The following BTBD7 variants were observed in gnomAD, a reference collection of about 807,000 sequenced individuals.
BTBD7 encodes BTB domain containing 7.
BTBD7 carries 38 observed loss-of-function variants against 99.9 expected under a neutral mutation model. That is an observed-to-expected ratio of 0.38 (90% CI 0.29 to 0.50). The LOEUF is 0.50. Ranked by LOEUF, BTBD7 falls within the 20% of genes least tolerant of loss-of-function variation. The pLI, the probability that BTBD7 is intolerant of heterozygous loss-of-function variation, is 0.93. For missense variants in BTBD7, 1,170 were observed against 1,394.6 expected, an observed-to-expected ratio of 0.84 and a Z score of 2.57; for synonymous variants, 520 against 511.4, an observed-to-expected ratio of 1.02 and a Z score of -0.23.
intron 6 of BTBD7, among the ~76,000 whole-genome samples, chr14:93,254,741 T>A (rs1339568793): frequency 2.6e-5 from 4 of 152,122 alleles, no homozygotes; most frequent in Admixed American, 2.6e-4. Context: ...CCTAAGGTGG[T>A]GTGAGGATTA....
At chr14:93,256,397 A>G (rs1469679312) in intron 6 of BTBD7, 1 of 151,670 alleles carries the variant, frequency 6.6e-6, no homozygotes. Context: ...TATTTTTCCC[A>G]TCCATGAATT....
Position 93,319,494 on chromosome 14 carries a change from TAAGTA to T in BTBD7, c.-107+13321_-107+13325del, listed in dbSNP as rs554307260. 5.3e-4 allele frequency among the ~76,000 whole-genome samples: 80 copies of T among 152,318 alleles called. No homozygotes were observed. The South Asian group carries it at 0.016, about 31-fold the overall frequency. Reference sequence around the variant, plus strand: ...TGGATGAACCTTGAAGACATTATGCTAAGTAAAATAAGCCAGTCACAGAAAGACAA... The same window carrying T: ...TGGATGAACCTTGAAGACATTATGCTAAATAAGCCAGTCACAGAAAGACAA... On this transcript the variant is annotated intron_variant, in intron 1 of 10. Transcript: ENST00000334746.
intron 5 of BTBD7, among the ~76,000 whole-genome samples, chr14:93,258,709 C>T (rs960156949): frequency 2.0e-5 from 3 of 152,156 alleles, no homozygotes; most frequent in South Asian, 2.1e-4. Context: ...CTCAGCCTCC[C>T]AAGTAGCTGG....
intron 9 of BTBD7, among the ~76,000 whole-genome samples, chr14:93,247,840 GT>G (rs2052329916): frequency 6.6e-6 from 1 of 152,130 alleles, no homozygotes; most frequent in Non-Finnish European, 1.5e-5. Context: ...CTAGAAATGA[GT>G]TTTTTCTTTT....
In BTBD7 at chr14:93,294,721, G is replaced by C; in HGVS notation, c.299C>G (p.Ala100Gly). ...LSGWDVRDVN[A>G]LVEEYEGTSA... is the part of the protein sequence containing the mutation. ...TGTTCCCTCATATTCCTCCACTAAT[G>C]CATTGACATCTCTAACATCCCACCC... is the stretch of plus-strand genomic sequence containing the variant. Residue 100 changes from alanine (A) to glycine (G), a missense_variant, in exon 3 of 11, where the codon GCA becomes GGA. By Grantham distance (60) the Ala-to-Gly change is moderately conservative (BLOSUM62 0). Around this residue, in one of 4 missense-constraint regions of BTBD7, gnomAD observed 359 missense variants for 497.9 expected, o/e 0.72. Transcript: ENST00000334746. 6.2e-7 allele frequency: 1 copy of C among 1,614,000 alleles called. No individual in the cohort carries two copies. Among genetic ancestry groups the C allele is most frequent in the Non-Finnish European group, 8.5e-7 (1 of 1,180,010 alleles).
At chr14:93,311,119 C>T (rs2053132727) in intron 1 of BTBD7, among the ~76,000 whole-genome samples, 1 of 152,170 alleles carries the variant, frequency 6.6e-6, no homozygotes, top group South Asian at 2.1e-4. Flanking sequence ...TAAAGACAAT[C>T]AGTGAGTTTT....
intron 8 of BTBD7, among the ~76,000 whole-genome samples, chr14:93,250,054 T>C (rs1170431503): frequency 1.3e-5 from 2 of 152,196 alleles, no homozygotes; most frequent in Non-Finnish European, 2.9e-5. Flanking sequence ...AGGAAATTAA[T>C]GTTCAGGAAA....
At chr14:93,326,986 C>T (rs923056071) in intron 1 of BTBD7, among the ~76,000 whole-genome samples, 2 of 151,928 alleles carry the variant, frequency 1.3e-5, no homozygotes, top group African/African-American at 4.8e-5. Context: ...GGCAACACTG[C>T]AAGGCCCTGT....
At chr14:93,251,166 C>A (rs1412557974) in intron 8 of BTBD7, among the ~76,000 whole-genome samples, 1 of 152,190 alleles carries the variant, frequency 6.6e-6, no homozygotes, top group Non-Finnish European at 1.5e-5. Flanking sequence ...TGCAGCTGAC[C>A]ACCCTACAAA....
At chr14:93,300,257 C>CTT (rs35598735) in intron 1 of BTBD7, among the ~76,000 whole-genome samples, 2,025 of 119,574 alleles carry the variant, frequency 0.017, 38 homozygotes, top group African/African-American at 0.049. Context: ...TTTCTTTGTT[C>CTT]TTTTTTTTTT....
rs138371699 is a variant in BTBD7, at chr14:93,330,467, C to G, written c.-107+2353G>C. Among the ~76,000 whole-genome samples, 529 of 152,260 alleles carry G rather than the reference C, an allele frequency of 3.5e-3. 2 individuals carry two copies. Among genetic ancestry groups the G allele is most frequent in the African/African-American group, 0.012 (492 of 41,538 alleles). ...CGAAGTTTCCCAAGTTCTTTGGACT[C>G]TTGGGGTCTCACTCATCTCTCTCTA... On this transcript the variant is annotated intron_variant, in intron 1 of 10. Coordinates refer to ENST00000334746, the MANE Select transcript of BTBD7 (RefSeq NM_001002860.4).
At chr14:93,270,324 G>A (rs1344051984) in intron 3 of BTBD7, among the ~76,000 whole-genome samples, 1 of 152,006 alleles carries the variant, frequency 6.6e-6, no homozygotes, top group Non-Finnish European at 1.5e-5. Context: ...TTGAACTCCT[G>A]ACCTCAGGTG....
intron 1 of BTBD7, among the ~76,000 whole-genome samples, chr14:93,305,342 G>A (rs2053057654): frequency 6.6e-6 from 1 of 152,140 alleles, no homozygotes; most frequent in Non-Finnish European, 1.5e-5. Context: ...AGTTTCTTCT[G>A]AAGTCTACAC....
chr14:93,265,449 T>G (rs1425938495), intron 3 of BTBD7, among the ~76,000 whole-genome samples: 1 of 152,242 alleles, frequency 6.6e-6, no homozygotes, highest in Non-Finnish European at 1.5e-5. Context: ...CCTAGCACCT[T>G]CTCGCACATG....
At chr14:93,290,912 T>C in intron 3 of BTBD7, among the ~76,000 whole-genome samples, 1 of 151,080 alleles carries the variant, frequency 6.6e-6, no homozygotes, top group East Asian at 2.0e-4. Flanking sequence ...CTTAAACTCC[T>C]GGCCTCAAGT....
rs1481987282 is a variant in BTBD7, at chr14:93,242,039, T to C, written c.*234A>G. The C allele has an allele frequency of 2.0e-6, 1 of 493,622 alleles. No homozygotes were observed. Among genetic ancestry groups the C allele is most frequent in the African/African-American group, 1.9e-5 (1 of 51,752 alleles). 30.6% of individuals were successfully genotyped at this position (493,622 alleles called of 1,614,324 possible). The stretch of plus-strand genomic sequence containing the variant: ...GTGCCAGCCTGCTTGTTCTTAAAAA[T>C]GCCTCCCGACATAATTGTTCAAAGA... On this transcript the variant is annotated 3_prime_UTR_variant, in exon 11 of 11. Coordinates refer to ENST00000334746, the MANE Select transcript of BTBD7 (RefSeq NM_001002860.4).
intron 3 of BTBD7, among the ~76,000 whole-genome samples, chr14:93,277,680 T>C (rs1595304783): frequency 6.6e-6 from 1 of 152,194 alleles, no homozygotes; most frequent in Admixed American, 6.5e-5. Context: ...GCTTACCTTA[T>C]GGTAAATGTT....
intron 7 of BTBD7, among the ~76,000 whole-genome samples, 184 bp downstream of exon 7, chr14:93,253,463 C>A (rs535512139): frequency 1.3e-5 from 2 of 152,262 alleles, no homozygotes; most frequent in South Asian, 2.1e-4. Flanking sequence ...TAAAAACATG[C>A]TTAATTAAAA....
chr14:93,330,117 C>G (rs1391772504), intron 1 of BTBD7, among the ~76,000 whole-genome samples: 1 of 152,192 alleles, frequency 6.6e-6, no homozygotes, highest in Admixed American at 6.5e-5. Context: ...ACCTGTAGAT[C>G]ATTAACAGGT....
Sources: gnomAD v4.1 joint callset for allele counts (sites outside exome capture counted in the v4.1 genomes callset) on GRCh38, gnomAD v4.1.1 for gene constraint, gnomAD v4.1.1 regional missense constraint, MANE v1.5 for transcripts, NCBI Gene and HGNC (gene_info 2026-07-23, HGNC 2026-07-21) for gene names.